ABHD6: variants seen among roughly 807,000 people sequenced by gnomAD.
ABHD6 encodes abhydrolase domain containing 6, acylglycerol lipase, also known as monoacylglycerol lipase ABHD6.
Under a neutral mutation model 38.8 loss-of-function variants are expected in ABHD6, and 33 were observed. The ratio of observed to expected loss-of-function variants is 0.85; its 90% CI spans 0.64 to 1.14. The LOEUF is 1.14. Ranked by LOEUF, ABHD6 falls within the 50% of genes most tolerant of loss-of-function variation. The pLI, the probability that ABHD6 is intolerant of heterozygous loss-of-function variation, is 0.00. For synonymous variants in ABHD6, 147 were observed against 161.6 expected, an observed-to-expected ratio of 0.91 and a Z score of 0.69; for missense variants, 380 against 422.6, an observed-to-expected ratio of 0.90 and a Z score of 0.88.
intron 7 of ABHD6, among the ~76,000 whole-genome samples, chr3:58,276,776 T>C (rs991430802): frequency 6.6e-6 from 1 of 152,374 alleles, no homozygotes; most frequent in African/African-American, 2.4e-5. Flanking sequence ...TAATCCATCT[T>C]GAATTAATTT....
intron 2 of ABHD6, among the ~76,000 whole-genome samples, chr3:58,253,627 T>C (rs1308041056): frequency 6.6e-6 from 1 of 152,226 alleles, no homozygotes; most frequent in African/African-American, 2.4e-5. Flanking sequence ...ATTTTGTAAA[T>C]TTGCTTTTCA....
At position 58,263,917 on chromosome 3, in the gene ABHD6, G is replaced by A. The variant is rs1263725505; in HGVS notation, c.120-3272G>A. Among the ~76,000 whole-genome samples, 2 of 152,030 alleles carry A rather than the reference G, an allele frequency of 1.3e-5. No individual in the cohort carries two copies. Among genetic ancestry groups the A allele is most frequent in the African/African-American group, 4.8e-5 (2 of 41,410 alleles). On this transcript the variant is annotated intron_variant, in intron 3 of 9. Transcript: ENST00000478253. This position sits in a 1 kb window ranked among gnomAD's most constrained non-coding sequence, Gnocchi z 4.9. ...CCTGGAATAATTAATTTTCTTCAATGCTTCTTTTGCTCTTCCCACCTCTCT... is the reference window on the plus strand; with the variant it reads ...CCTGGAATAATTAATTTTCTTCAATACTTCTTTTGCTCTTCCCACCTCTCT...
At chr3:58,253,750 A>G (rs1039321974) in intron 2 of ABHD6, among the ~76,000 whole-genome samples, 2 of 152,240 alleles carry the variant, frequency 1.3e-5, no homozygotes, top group Admixed American at 6.5e-5. Context: ...AAGCAGGCCA[A>G]TGATTTCAGT....
At chr3:58,284,902 T>G (rs2097455821) in intron 7 of ABHD6, among the ~76,000 whole-genome samples, 183 bp from the exon 8 acceptor site, 2 of 152,114 alleles carry the variant, frequency 1.3e-5, no homozygotes, top group Non-Finnish European at 2.9e-5. Flanking sequence ...AAAAAGCTTC[T>G]TAGAAGCCTA....
rs2097440270 is a variant in ABHD6 at position 58,265,435 on chromosome 3, T to C, written c.120-1754T>C. ...CAAATATTTCCCCTAATTTTTCCTT[T>C]TAATTTTTGGCAAATGATGTATTTG... is the stretch of plus-strand genomic sequence containing the variant. On this transcript the variant is annotated intron_variant, in intron 3 of 9. Transcript: ENST00000478253. This position sits in a 1 kb window ranked among gnomAD's most constrained non-coding sequence, Gnocchi z 4.2. 6.6e-6 allele frequency among the ~76,000 whole-genome samples: 1 copy of C among 152,212 alleles called. No homozygotes were observed. Among genetic ancestry groups the C allele is most frequent in the Non-Finnish European group, 1.5e-5 (1 of 68,032 alleles).
rs2097466177 is a variant in ABHD6, at chr3:58,294,691, G to A, written c.*926G>A. On this transcript the variant is annotated 3_prime_UTR_variant, in exon 10 of 10. Transcript: ENST00000478253. ...AATAAGTCTAAACAGCTGTAAAAGT[G>A]ACCACAATGACATGAAATAAATTTA... 1 of 152,572 alleles carries A rather than the reference G, an allele frequency of 6.6e-6. No individual in the cohort carries two copies. The highest frequency in any genetic ancestry group is 1.5e-5 in the Non-Finnish European group (1 of 68,026). 9.5% of individuals were successfully genotyped at this position (152,572 alleles called of 1,614,324 possible). A position where few individuals can be genotyped will look rare whatever the true frequency, so the allele number is the denominator to read the frequency against.
chr3:58,258,171 G>A (rs13091746), intron 3 of ABHD6, among the ~76,000 whole-genome samples: 83,454 of 151,812 alleles, frequency 0.55, 25,623 homozygotes, highest in African/African-American at 0.84. Flanking sequence ...GCTAGGCGTG[G>A]TGGTGCATGC....
chr3:58,271,170 C>T, intron 6 of ABHD6, 106 bp downstream of exon 6: 2 of 1,282,438 alleles, frequency 1.6e-6, no homozygotes, highest in South Asian at 1.7e-5. Context: ...TTGATGTATG[C>T]TTGAGAGATA....
At chr3:58,246,866 G>A (rs147611837) in intron 1 of ABHD6, among the ~76,000 whole-genome samples, 17 of 152,310 alleles carry the variant, frequency 1.1e-4, no homozygotes, top group Middle Eastern at 3.4e-3. Context: ...ATAACCTTTG[G>A]ACAGTCATGT....
Position 58,267,303 on chromosome 3 carries a change from C to T in ABHD6, c.234C>T (p.His78=), listed in dbSNP as rs202106317. ...ACAAACCCTCCATCCTCATGCTCCA[C>T]GGATTCTCTGCCCACAAGGATATGT... The part of the protein sequence containing the change: ...PGHKPSILML[H]GFSAHKDMWL... The change falls in exon 4 of 10, where the codon CAC becomes CAT. Residue 78 remains histidine (H), a synonymous_variant. Coordinates refer to ENST00000478253, the MANE Select transcript of ABHD6 (RefSeq NM_001320126.2). This position sits in a 1 kb window ranked among gnomAD's most constrained non-coding sequence, Gnocchi z 4.3. The T allele has an allele frequency of 5.1e-5, 82 of 1,613,998 alleles. No individual in the cohort carries two copies. Among genetic ancestry groups the T allele is most frequent in the Non-Finnish European group, 5.9e-5 (70 of 1,180,010 alleles).
At chr3:58,289,120 T>TCATA (rs2097459587) in intron 9 of ABHD6, among the ~76,000 whole-genome samples, 2 of 152,180 alleles carry the variant, frequency 1.3e-5, no homozygotes, top group Non-Finnish European at 2.9e-5. Flanking sequence ...AGTGGCTCAA[T>TCATA]CATAGCTCAC....
Position 58,287,850 on chromosome 3 carries a change from A to G in ABHD6, c.837+2397A>G, listed in dbSNP as rs1030536904. 5.9e-5 allele frequency among the ~76,000 whole-genome samples: 9 copies of G among 152,184 alleles called. No homozygotes were observed. Among genetic ancestry groups the G allele is most frequent in the African/African-American group, 2.2e-4 (9 of 41,444 alleles). On this transcript the variant is annotated intron_variant, in intron 9 of 9. Transcript: ENST00000478253. The surrounding 1 kb of genome is among the most constrained non-coding windows in gnomAD (Gnocchi z 4.7). ...CTTGAGCAAGTAACTCAGCCCCTCT[A>G]AATTAAGGGTTTCTGAAACTTCTAG...
At position 58,259,633 on chromosome 3, in the gene ABHD6, A is replaced by G. The variant is rs2097435688; in HGVS notation, c.119+2928A>G. On this transcript the variant is annotated intron_variant, in intron 3 of 9. Coordinates refer to ENST00000478253, the MANE Select transcript of ABHD6 (RefSeq NM_001320126.2). The surrounding 1 kb of genome is among the most constrained non-coding windows in gnomAD (Gnocchi z 4.7). ...GAAGCGGAGGTTGCAGTGAGCCGAGATCGTGCCACTACACTTCAGCCTGGG... is the reference window on the plus strand; with the variant it reads ...GAAGCGGAGGTTGCAGTGAGCCGAGGTCGTGCCACTACACTTCAGCCTGGG... 1.3e-5 allele frequency among the ~76,000 whole-genome samples: 2 copies of G among 152,234 alleles called. No individual in the cohort carries two copies. The highest frequency in any genetic ancestry group is 4.8e-5 in the African/African-American group (2 of 41,462).
chr3:58,252,313 A>G (rs1201959763), intron 2 of ABHD6, among the ~76,000 whole-genome samples: 1 of 135,790 alleles, frequency 7.4e-6, no homozygotes, highest in African/African-American at 2.9e-5. Context: ...CTCCAGGCTC[A>G]AGTAATCCTC....
At chr3:58,275,034 A>G (rs904590068) in intron 7 of ABHD6, among the ~76,000 whole-genome samples, 1 of 152,232 alleles carries the variant, frequency 6.6e-6, no homozygotes, top group African/African-American at 2.4e-5. Context: ...GACACAGTCC[A>G]GTGGGGGAGG....
chr3:58,271,220 T>C (rs1475915953), intron 6 of ABHD6, among the ~76,000 whole-genome samples, 156 bp downstream of exon 6: 1 of 152,160 alleles, frequency 6.6e-6, no homozygotes, highest in Admixed American at 6.5e-5. Context: ...CCAATAGTTA[T>C]ATAATCATAA....
rs1430218284 is a variant in ABHD6, at chr3:58,269,515, A to C, written c.390+81A>C. 1.8e-6 allele frequency: 2 copies of C among 1,088,280 alleles called. No individual in the cohort carries two copies. Among genetic ancestry groups the C allele is most frequent in the Non-Finnish European group, 2.8e-6 (2 of 725,856 alleles). The allele number at this position is 1,088,280 out of a possible 1,614,324, so 67.4% of individuals were successfully genotyped here. A position where few individuals can be genotyped will look rare whatever the true frequency, so the allele number is the denominator to read the frequency against. On this transcript the variant is annotated intron_variant, in intron 5 of 9. Coordinates refer to ENST00000478253, the MANE Select transcript of ABHD6 (RefSeq NM_001320126.2). The surrounding 1 kb of genome is among the most constrained non-coding windows in gnomAD (Gnocchi z 4.4). ...TCTGAGTCTGGAGAGCAGGGAAGGG[A>C]GTCCTGTGCTACCTCATGACCAGTC...
rs1479813386 is a variant in ABHD6, at chr3:58,257,596, C to T, written c.119+891C>T. ...CAAGCTGGTCTCAAACTCCTGACCTCAAGTGATCCTCCCACCTCAGCCTCC... is the reference window on the plus strand; with the variant it reads ...CAAGCTGGTCTCAAACTCCTGACCTTAAGTGATCCTCCCACCTCAGCCTCC... On this transcript the variant is annotated intron_variant, in intron 3 of 9. Coordinates refer to ENST00000478253, the MANE Select transcript of ABHD6 (RefSeq NM_001320126.2). The surrounding 1 kb of genome is among the most constrained non-coding windows in gnomAD (Gnocchi z 4.8). 6.6e-6 allele frequency among the ~76,000 whole-genome samples: 1 copy of T among 152,126 alleles called. No individual in the cohort carries two copies. Among genetic ancestry groups the T allele is most frequent in the Non-Finnish European group, 1.5e-5 (1 of 68,030 alleles).
chr3:58,277,184 G>C (rs2097449386), intron 7 of ABHD6, among the ~76,000 whole-genome samples: 1 of 152,144 alleles, frequency 6.6e-6, no homozygotes, highest in South Asian at 2.1e-4. Context: ...GGATGGCATT[G>C]AATCTGTAAA....
Sources: allele counts gnomAD v4.1 joint callset (sites outside exome capture counted in the v4.1 genomes callset), GRCh38; gene constraint gnomAD v4.1.1; non-coding constraint Gnocchi (gnomAD v3.1); transcripts MANE v1.5; gene names NCBI Gene and HGNC (gene_info 2026-07-23, HGNC 2026-07-21).